SEMA3D: variants seen among roughly 807,000 people sequenced by gnomAD.
SEMA3D encodes the protein semaphorin-3D.
Under a neutral mutation model 100.1 loss-of-function variants are expected in SEMA3D, and 84 were observed. The observed-to-expected ratio is 0.84, with a 90% CI of 0.70 to 1.01. The LOEUF is 1.01. Ranked by LOEUF, SEMA3D falls within the 50% of genes least tolerant of loss-of-function variation. The probability of loss-of-function intolerance (pLI) is 0.00; values close to 1 mark genes in which losing one functional copy is unlikely to be tolerated. For missense variants in SEMA3D, 875 were observed against 934.1 expected (o/e 0.94, Z 0.82); for synonymous variants, 312 against 320.7 (o/e 0.97, Z 0.29).
At chr7:85,243,687 A>C in the SEMA3D span, among the ~76,000 whole-genome samples, 4 of 152,182 alleles carry the variant, frequency 2.6e-5, no homozygotes, top group African/African-American at 4.8e-5. Context: ...TTTTTTAACT[A>C]CAAAAAAAAT....
At chr7:85,032,698 A>T (rs1790580189) in intron 12 of SEMA3D, among the ~76,000 whole-genome samples, 1 of 152,096 alleles carries the variant, frequency 6.6e-6, no homozygotes, top group African/African-American at 2.4e-5. Flanking sequence ...CTGCTTATCT[A>T]AAGAGAGCAT....
At position 84,995,594 on chromosome 7, in the gene SEMA3D, A is replaced by C. The variant is rs1038297919; in HGVS notation, c.*3846T>G. 1.3e-5 allele frequency: 2 copies of C among 152,088 alleles called. No individual in the cohort carries two copies. Among genetic ancestry groups the C allele is most frequent in the African/African-American group, 4.8e-5 (2 of 41,454 alleles). 9.4% of individuals were successfully genotyped at this position (152,088 alleles called of 1,614,324 possible). A position where few individuals can be genotyped will look rare whatever the true frequency, so the allele number is the denominator to read the frequency against. On this transcript the variant is annotated 3_prime_UTR_variant, in exon 19 of 19. Coordinates refer to ENST00000284136, the MANE Select transcript of SEMA3D (RefSeq NM_001384900.1). ...ACAGTCATGTTTGCATTTTATTATA[A>C]TACAACCAAAATATACATTTAACAA...
At chr7:85,210,685 A>G in the SEMA3D span, among the ~76,000 whole-genome samples, 1 of 152,096 alleles carries the variant, frequency 6.6e-6, no homozygotes, top group African/African-American at 2.4e-5. Flanking sequence ...TGAAGATACC[A>G]TATTCAGAAA....
chr7:85,023,777 T>C (rs1366749854), intron 12 of SEMA3D, among the ~76,000 whole-genome samples: 1 of 151,932 alleles, frequency 6.6e-6, no homozygotes, highest in Non-Finnish European at 1.5e-5. Context: ...TGACCCCAAA[T>C]TTTATACCAA....
chr7:85,108,815 ATTCCTTAATTGCTAG>A (rs965303211), intron 3 of SEMA3D, among the ~76,000 whole-genome samples: 23 of 151,994 alleles, frequency 1.5e-4, no homozygotes, highest in African/African-American at 5.6e-4. Flanking sequence ...TAACTAGCTT[ATTCCTTAATTGCTAG>A]AAGTGATCAA....
chr7:85,065,199 C>T (rs1351578590), intron 8 of SEMA3D, among the ~76,000 whole-genome samples: 1 of 151,984 alleles, frequency 6.6e-6, no homozygotes, highest in Non-Finnish European at 1.5e-5. Context: ...TTAATTAGAG[C>T]ACAGAAGAGT....
intron 1 of SEMA3D, among the ~76,000 whole-genome samples, chr7:85,185,710 G>A (rs991716820): frequency 6.6e-6 from 1 of 152,146 alleles, no homozygotes; most frequent in South Asian, 2.1e-4. Context: ...GCACTGTGAC[G>A]GAGGCAAAGC....
chr7:85,029,502 C>T (rs2115901230), intron 12 of SEMA3D: 1 of 656,170 alleles, frequency 1.5e-6, no homozygotes, highest in Non-Finnish European at 2.9e-6. Context: ...ACTGGCTCGA[C>T]AAGAATCAGA....
the SEMA3D span, among the ~76,000 whole-genome samples, chr7:85,225,310 T>A: frequency 6.6e-6 from 1 of 150,934 alleles, no homozygotes; most frequent in Non-Finnish European, 1.5e-5. Flanking sequence ...CTTTTCCTGT[T>A]TTCTTTTCCC....
the SEMA3D span, among the ~76,000 whole-genome samples, chr7:85,249,581 ACTTT>A: frequency 6.6e-6 from 1 of 152,130 alleles, no homozygotes; most frequent in African/African-American, 2.4e-5. Context: ...AAAATATCAC[ACTTT>A]CTTTAACTGA....
chr7:85,178,892 C>T (rs1791318199), intron 1 of SEMA3D, among the ~76,000 whole-genome samples: 1 of 152,100 alleles, frequency 6.6e-6, no homozygotes, highest in South Asian at 2.1e-4. Flanking sequence ...ACTTGGTGCC[C>T]TGTGTTCCAG....
At chr7:85,177,065 G>A (rs1386560576) in intron 1 of SEMA3D, among the ~76,000 whole-genome samples, 14 of 151,942 alleles carry the variant, frequency 9.2e-5, no homozygotes, top group Admixed American at 8.5e-4. Context: ...GGTTTGCGTA[G>A]GTTCATTCTA....
chr7:85,074,880 A>G (rs1397026122), intron 5 of SEMA3D, among the ~76,000 whole-genome samples: 1 of 152,100 alleles, frequency 6.6e-6, no homozygotes, highest in Non-Finnish European at 1.5e-5. Context: ...GTGGCCTTCC[A>G]AAGTGCTAGG....
rs551819891 is a variant in SEMA3D, at chr7:85,013,097, C to A, written c.1704-251G>T. On this transcript the variant is annotated intron_variant, in intron 16 of 18. Coordinates refer to ENST00000284136, the MANE Select transcript of SEMA3D (RefSeq NM_001384900.1). ...TTTATTTAACTACGCTTCTTTTTCTCTATTTTTTTCACAAATTATTCAACA... is the reference window on the plus strand; with the variant it reads ...TTTATTTAACTACGCTTCTTTTTCTATATTTTTTTCACAAATTATTCAACA... 4.0e-5 allele frequency among the ~76,000 whole-genome samples: 6 copies of A among 151,768 alleles called. No homozygotes were observed. The South Asian group carries it at 1.2e-3, about 31-fold the overall frequency.
At chr7:85,017,511 C>A (rs1215216778) in intron 15 of SEMA3D, among the ~76,000 whole-genome samples, 1 of 151,606 alleles carries the variant, frequency 6.6e-6, no homozygotes, top group Non-Finnish European at 1.5e-5. Flanking sequence ...AATCACTCTG[C>A]CATAGGAACA....
At chr7:85,026,453 AAC>A (rs1350168458) in intron 12 of SEMA3D, among the ~76,000 whole-genome samples, 18 of 152,036 alleles carry the variant, frequency 1.2e-4, no homozygotes, top group African/African-American at 3.6e-4. Context: ...GCTTAAATGA[AAC>A]AAACAATAGC....
At chr7:85,125,825 G>T (rs1202562821) in intron 2 of SEMA3D, among the ~76,000 whole-genome samples, 1 of 151,636 alleles carries the variant, frequency 6.6e-6, no homozygotes, top group Non-Finnish European at 1.5e-5. Flanking sequence ...ATGTGTGTGT[G>T]TTGTGCATCT....
intron 3 of SEMA3D, among the ~76,000 whole-genome samples, chr7:85,114,636 T>C (rs1274743830): frequency 6.6e-6 from 1 of 152,150 alleles, no homozygotes; most frequent in Non-Finnish European, 1.5e-5. Context: ...TTACCAGCCT[T>C]TGACATGCAG....
At chr7:85,191,301 G>A (rs1209499621), upstream of SEMA3D, among the ~76,000 whole-genome samples, 1 of 152,066 alleles carries the variant, frequency 6.6e-6, no homozygotes, top group African/African-American at 2.4e-5. Context: ...ATGGCTTTTT[G>A]TGTTTGATTT....
Sources: allele counts gnomAD v4.1 joint callset (sites outside exome capture counted in the v4.1 genomes callset), GRCh38; gene constraint gnomAD v4.1.1; transcripts MANE v1.5; gene names NCBI Gene and HGNC (gene_info 2026-07-23, HGNC 2026-07-21).